CBL: variants seen among roughly 807,000 people sequenced by gnomAD.
CBL encodes the protein E3 ubiquitin-protein ligase CBL.
A neutral mutation model predicts 96.9 loss-of-function variants in CBL; 45 were observed. That is an observed-to-expected ratio of 0.46 (90% CI 0.37 to 0.60). CBL has a LOEUF of 0.60. CBL is among the 20% of genes least tolerant of loss of function. The probability of loss-of-function intolerance (pLI) is 0.00; values close to 1 mark genes in which losing one functional copy is unlikely to be tolerated. For synonymous variants in CBL, 420 were observed against 426.8 expected, an observed-to-expected ratio of 0.98 and a Z score of 0.20; for missense variants, 1,024 against 1,143.5, an observed-to-expected ratio of 0.90 and a Z score of 1.51.
intron 1 of CBL, among the ~76,000 whole-genome samples, chr11:119,229,978 C>G (rs1303129654): frequency 6.6e-6 from 1 of 151,950 alleles, no homozygotes; most frequent in East Asian, 1.9e-4. Context: ...ATGAAATATC[C>G]AAGCACGTTC....
At chr11:119,211,789 C>G (rs1410531211) in intron 1 of CBL, among the ~76,000 whole-genome samples, 2 of 151,802 alleles carry the variant, frequency 1.3e-5, no homozygotes, top group South Asian at 2.1e-4. Flanking sequence ...AAAGCATGAG[C>G]CACTGTGCCC....
At chr11:119,295,546 ACT>A (rs1285852175) in intron 12 of CBL, among the ~76,000 whole-genome samples, 2 of 151,420 alleles carry the variant, frequency 1.3e-5, no homozygotes, top group Non-Finnish European at 2.9e-5. Context: ...ACATAGTGAG[ACT>A]CTGTCTCTAC....
At chr11:119,272,308 A>C (rs554719628) in intron 3 of CBL, among the ~76,000 whole-genome samples, 7 of 152,128 alleles carry the variant, frequency 4.6e-5, no homozygotes, top group Non-Finnish European at 1.0e-4. Context: ...TTTTTAATAG[A>C]GACAGGGTTT....
At chr11:119,265,265 T>A (rs1949793113) in intron 2 of CBL, among the ~76,000 whole-genome samples, 1 of 152,236 alleles carries the variant, frequency 6.6e-6, no homozygotes, top group Non-Finnish European at 1.5e-5. Flanking sequence ...AAACCATTTT[T>A]AAGAGACTTT....
At chr11:119,217,603 T>C (rs1949372650) in intron 1 of CBL, among the ~76,000 whole-genome samples, 1 of 152,178 alleles carries the variant, frequency 6.6e-6, no homozygotes. Context: ...TCTCAGGAGA[T>C]GTCATTGCAG....
chr11:119,286,234 G>C (rs1202271377), intron 11 of CBL, among the ~76,000 whole-genome samples: 2 of 152,174 alleles, frequency 1.3e-5, no homozygotes, highest in Non-Finnish European at 2.9e-5. Flanking sequence ...TGGAGGCAGA[G>C]GTTGCAGTGA....
intron 2 of CBL, among the ~76,000 whole-genome samples, chr11:119,242,537 CAAA>C (rs71048052): frequency 3.9e-5 from 3 of 76,360 alleles, no homozygotes; most frequent in Admixed American, 1.7e-4. Context: ...GACTCCATCT[CAAA>C]AAAAAAAAAA....
intron 9 of CBL, among the ~76,000 whole-genome samples, chr11:119,283,995 A>T (rs1488023529): frequency 6.6e-6 from 1 of 151,790 alleles, no homozygotes. Context: ...CTTTTTAGTG[A>T]TATTCTTGAT....
rs1949970750 is a variant in CBL, at chr11:119,285,088, A to T, written c.1551A>T (p.Gly517=). 1 of 1,613,846 alleles carries T rather than the reference A, an allele frequency of 6.2e-7. No individual in the cohort carries two copies. Among genetic ancestry groups the T allele is most frequent in the Non-Finnish European group, 8.5e-7 (1 of 1,179,994 alleles). The change falls in exon 10 of 16, where the codon GGA becomes GGT. Residue 517 remains glycine, a synonymous_variant. Transcript: ENST00000264033. Reference sequence around the variant, plus strand: ...TTCCCTCAAGTGCTTCTGCTCTTGGAACTGCTTCTAAGGTAAAGCATTTTC... The same window carrying T: ...TTCCCTCAAGTGCTTCTGCTCTTGGTACTGCTTCTAAGGTAAAGCATTTTC... The part of the protein sequence containing the change: ...VCVPSSASAL[G]TASKAASGSL...
chr11:119,296,599 G>A (rs890366325), intron 12 of CBL, among the ~76,000 whole-genome samples: 34 of 152,128 alleles, frequency 2.2e-4, no homozygotes, highest in African/African-American at 7.5e-4. Context: ...AAATCTTGCC[G>A]TTTCTCTAAC....
intron 11 of CBL, among the ~76,000 whole-genome samples, chr11:119,286,271 C>A (rs1374427197): frequency 1.3e-5 from 2 of 152,092 alleles, no homozygotes; most frequent in African/African-American, 4.8e-5. Flanking sequence ...TGCACTCCAG[C>A]CTGGGCAACA....
chr11:119,274,217 T>C (rs1323218045), intron 4 of CBL, among the ~76,000 whole-genome samples, 193 bp downstream of exon 4: 2 of 152,078 alleles, frequency 1.3e-5, no homozygotes, highest in Non-Finnish European at 2.9e-5. Context: ...TGTATGTATA[T>C]ATAGTGAAAA....
intron 2 of CBL, among the ~76,000 whole-genome samples, 169 bp from the exon 3 acceptor site, chr11:119,271,563 TCTC>T (rs1949849051): frequency 1.3e-5 from 2 of 152,320 alleles, no homozygotes; most frequent in Admixed American, 1.3e-4. Flanking sequence ...TCTTTTCTCT[TCTC>T]TACTTTTTTA....
At chr11:119,219,320 G>A (rs79047914) in intron 1 of CBL, among the ~76,000 whole-genome samples, 11,140 of 151,326 alleles carry the variant, frequency 0.074, 527 homozygotes, top group Non-Finnish European at 0.11. Context: ...AGAGGTGGCA[G>A]TGAGCCGAGA....
At chr11:119,259,040 A>T (rs1026200495) in intron 2 of CBL, among the ~76,000 whole-genome samples, 1 of 152,016 alleles carries the variant, frequency 6.6e-6, no homozygotes, top group Admixed American at 6.6e-5. Context: ...GTTTTCTTTC[A>T]GCTATTGTAA....
At position 119,283,631 on chromosome 11, in the gene CBL, T is replaced by C. The variant is rs1310747784; in HGVS notation, c.1432-1338T>C. Among the ~76,000 whole-genome samples, 113 of 51,158 alleles carry C rather than the reference T, an allele frequency of 2.2e-3. 1 individual carries two copies. Among genetic ancestry groups the C allele is most frequent in the African/African-American group, 0.011 (106 of 9,758 alleles). The allele number at this position is 51,158 out of a possible 152,430, so 33.6% of individuals were successfully genotyped here. A position where few individuals can be genotyped will look rare whatever the true frequency, so the allele number is the denominator to read the frequency against. On this transcript the variant is annotated intron_variant, in intron 9 of 15. Coordinates refer to ENST00000264033, the MANE Select transcript of CBL (RefSeq NM_005188.4). The stretch of plus-strand genomic sequence containing the variant: ...TAATCCTTTTTAATTCTTTCTTTTT[T>C]TTTTTTTTTTTTTTTTTTTTTTTTG...
At chr11:119,215,034 A>G (rs2135251589) in intron 1 of CBL, among the ~76,000 whole-genome samples, 1 of 152,010 alleles carries the variant, frequency 6.6e-6, no homozygotes, top group South Asian at 2.1e-4. Context: ...CACCCAAAGG[A>G]TGTAAGATTC....
chr11:119,252,592 AC>A (rs1268155497), intron 2 of CBL, among the ~76,000 whole-genome samples: 2 of 152,200 alleles, frequency 1.3e-5, no homozygotes, highest in Non-Finnish European at 2.9e-5. Context: ...GCGGTGGCTC[AC>A]GCCTATAATC....
rs1167302746 is a variant in CBL, at chr11:119,223,184, C to CTT, written c.196-9235_196-9234dup. On this transcript the variant is annotated intron_variant, in intron 1 of 15. Coordinates refer to ENST00000264033, the MANE Select transcript of CBL (RefSeq NM_005188.4). Reference sequence around the variant, plus strand: ...CAGAGCAAACCACCCCACACCCTTCCTTTTTTTTTTTTTTTTTTTTTTTTT... The same window carrying CTT: ...CAGAGCAAACCACCCCACACCCTTCCTTTTTTTTTTTTTTTTTTTTTTTTTTT... Among the ~76,000 whole-genome samples the CTT allele has an allele frequency of 8.2e-4, 55 of 67,196 alleles. 1 individual carries two copies. Among genetic ancestry groups the CTT allele is most frequent in the Non-Finnish European group, 1.2e-3 (47 of 40,858 alleles). The allele number at this position is 67,196 out of a possible 152,430, so 44.1% of individuals were successfully genotyped here.
Sources: gnomAD v4.1 joint callset for allele counts (sites outside exome capture counted in the v4.1 genomes callset) on GRCh38, gnomAD v4.1.1 for gene constraint, MANE v1.5 for transcripts, NCBI Gene and HGNC (gene_info 2026-07-23, HGNC 2026-07-21) for gene names.